The following MAF variants were observed in gnomAD, a reference collection of about 807,000 sequenced individuals.
MAF encodes transcription factor Maf.
In MAF, 10 loss-of-function variants were observed where a neutral mutation model predicts 22.0. The ratio of observed to expected loss-of-function variants is 0.45; its 90% confidence interval spans 0.28 to 0.77. The LOEUF (loss-of-function observed/expected upper bound fraction) is 0.77, where lower values mean the gene tolerates loss of function less well. MAF is among the 30% of genes least tolerant of loss of function. The pLI, the probability that MAF is intolerant of heterozygous loss-of-function variation, is 0.12. For synonymous variants in MAF, 337 were observed against 255.8 expected, an observed-to-expected ratio of 1.32 and a Z score of -3.03; for missense variants, 544 against 548.4, an observed-to-expected ratio of 0.99 and a Z score of 0.08.
the MAF span, among the ~76,000 whole-genome samples, chr16:79,483,875 A>G: frequency 6.6e-6 from 1 of 152,200 alleles, no homozygotes; most frequent in African/African-American, 2.4e-5. Context: ...TGATATGGTC[A>G]TCTTCGCCTT....
chr16:79,215,083 T>C, the MAF span, among the ~76,000 whole-genome samples: 2 of 152,164 alleles, frequency 1.3e-5, no homozygotes, highest in African/African-American at 2.4e-5. Flanking sequence ...ATGAAAAAGC[T>C]GAGGCCAAGA....
chr16:79,243,124 C>T, the MAF span, among the ~76,000 whole-genome samples: 1 of 151,930 alleles, frequency 6.6e-6, no homozygotes, highest in Non-Finnish European at 1.5e-5. Flanking sequence ...GACACCCTAA[C>T]ATCACAATCA....
At chr16:79,203,168 A>C in the MAF span, 2 of 152,228 alleles carry the variant, frequency 1.3e-5, no homozygotes, top group African/African-American at 2.4e-5. Context: ...ACCACTGTGA[A>C]GAGATCTCTC....
the MAF span, among the ~76,000 whole-genome samples, chr16:79,382,998 T>A: frequency 6.6e-6 from 1 of 152,226 alleles, no homozygotes; most frequent in Non-Finnish European, 1.5e-5. Context: ...ATTTACTAAG[T>A]CTTTACTGCA....
At chr16:79,304,000 A>C in the MAF span, among the ~76,000 whole-genome samples, 3 of 152,250 alleles carry the variant, frequency 2.0e-5, no homozygotes, top group Non-Finnish European at 4.4e-5. Flanking sequence ...GTTTGGATAC[A>C]TTCAGTGGAA....
the MAF span, among the ~76,000 whole-genome samples, chr16:79,468,883 C>A: frequency 7.2e-5 from 11 of 152,134 alleles, no homozygotes; most frequent in African/African-American, 2.7e-4. Context: ...ATGGCGACCT[C>A]TTGTACTTAA....
At chr16:79,364,607 G>A in the MAF span, among the ~76,000 whole-genome samples, 1 of 152,220 alleles carries the variant, frequency 6.6e-6, no homozygotes, top group South Asian at 2.1e-4. Context: ...TACAAATCAT[G>A]TAGCAAAAAG....
At chr16:79,394,584 C>T in the MAF span, among the ~76,000 whole-genome samples, 1 of 152,148 alleles carries the variant, frequency 6.6e-6, no homozygotes, top group African/African-American at 2.4e-5. Flanking sequence ...GGTTCAGTCC[C>T]TCATCTTTAA....
the MAF span, among the ~76,000 whole-genome samples, chr16:79,546,172 A>G: frequency 6.6e-6 from 1 of 152,208 alleles, no homozygotes; most frequent in Non-Finnish European, 1.5e-5. Flanking sequence ...ATTTTATTGG[A>G]TAAAGGACAA....
chr16:79,413,637 T>C, the MAF span, among the ~76,000 whole-genome samples: 2 of 152,150 alleles, frequency 1.3e-5, no homozygotes, highest in Non-Finnish European at 2.9e-5. Flanking sequence ...ATTATAAGCA[T>C]TAGATAAAAT....
chr16:79,333,853 T>C, the MAF span, among the ~76,000 whole-genome samples: 1 of 152,128 alleles, frequency 6.6e-6, no homozygotes, highest in South Asian at 2.1e-4. Flanking sequence ...ACCTATCTGA[T>C]GCCGGATCCC....
the MAF span, among the ~76,000 whole-genome samples, chr16:79,480,363 T>C: frequency 3.9e-5 from 6 of 152,068 alleles, no homozygotes; most frequent in South Asian, 4.2e-4. Context: ...ACATTTTTAA[T>C]TCGTTTGGAT....
At chr16:79,437,290 A>C in the MAF span, among the ~76,000 whole-genome samples, 1 of 152,136 alleles carries the variant, frequency 6.6e-6, no homozygotes, top group South Asian at 2.1e-4. Flanking sequence ...TCCTTCGTGC[A>C]AATTACATGT....
At chr16:79,433,310 A>T in the MAF span, among the ~76,000 whole-genome samples, 1 of 150,198 alleles carries the variant, frequency 6.7e-6, no homozygotes, top group South Asian at 2.1e-4. Context: ...TACTATGACC[A>T]GAAAAAAAAG....
At chr16:79,327,057 T>G in the MAF span, among the ~76,000 whole-genome samples, 1 of 152,240 alleles carries the variant, frequency 6.6e-6, no homozygotes, top group Non-Finnish European at 1.5e-5. Context: ...ACTGAACTAC[T>G]GTACTTCACA....
chr16:79,441,490 G>A, the MAF span, among the ~76,000 whole-genome samples: 1 of 152,212 alleles, frequency 6.6e-6, no homozygotes, highest in Admixed American at 6.5e-5. Context: ...GACAACAGGT[G>A]AATACATGGG....
the MAF span, among the ~76,000 whole-genome samples, chr16:79,309,084 G>A: frequency 2.6e-5 from 4 of 152,144 alleles, no homozygotes; most frequent in Admixed American, 2.0e-4. Flanking sequence ...AGAGGTGGGA[G>A]GTGGAAGGGA....
chr16:79,297,783 G>T, the MAF span, among the ~76,000 whole-genome samples: 1 of 152,214 alleles, frequency 6.6e-6, no homozygotes, highest in South Asian at 2.1e-4. Flanking sequence ...GCTTCTCTAT[G>T]CGAGGGACTG....
chr16:79,411,031 T>G, the MAF span, among the ~76,000 whole-genome samples: 1 of 152,202 alleles, frequency 6.6e-6, no homozygotes, highest in African/African-American at 2.4e-5. Flanking sequence ...CATTTTTCCT[T>G]CCTCCAAGAC....
Sources: allele counts gnomAD v4.1 joint callset (sites outside exome capture counted in the v4.1 genomes callset), GRCh38; gene constraint gnomAD v4.1.1; transcripts MANE v1.5; gene names NCBI Gene and HGNC (gene_info 2026-07-23, HGNC 2026-07-21).